The following FAM20A variants were observed in gnomAD, a reference collection of about 807,000 sequenced individuals.
The protein encoded by FAM20A is FAM20A golgi associated secretory pathway pseudokinase.
In FAM20A, 42 loss-of-function variants were observed where a neutral mutation model predicts 52.0. The ratio of observed to expected loss-of-function variants is 0.81; its 90% CI spans 0.63 to 1.04. FAM20A has a LOEUF of 1.04. Among genes scored for constraint, FAM20A ranks in the 50% least tolerant of loss-of-function variants. FAM20A has a pLI of 0.00. For synonymous variants in FAM20A, 304 were observed against 298.9 expected (o/e 1.02, Z -0.18); for missense variants, 742 against 712.7 (o/e 1.04, Z -0.47).
chr17:68,598,973 C>T (rs2088534814), intron 1 of FAM20A, among the ~76,000 whole-genome samples: 1 of 152,096 alleles, frequency 6.6e-6, no homozygotes, highest in Non-Finnish European at 1.5e-5. Context: ...CTCAAACTGC[C>T]TTTTATTACT....
chr17:68,559,380 G>C (rs894335986), intron 1 of FAM20A, among the ~76,000 whole-genome samples: 3 of 152,154 alleles, frequency 2.0e-5, no homozygotes, highest in African/African-American at 2.4e-5. Flanking sequence ...TGGACAGTGA[G>C]GCCATTGCCT....
chr17:68,578,270 G>C (rs756820174), intron 1 of FAM20A, among the ~76,000 whole-genome samples: 11 of 152,326 alleles, frequency 7.2e-5, no homozygotes, highest in Middle Eastern at 3.4e-3. Flanking sequence ...ATTTGAAAGA[G>C]AGATGGATTT....
chr17:68,577,530 T>C (rs981092738), intron 1 of FAM20A, among the ~76,000 whole-genome samples: 1 of 152,220 alleles, frequency 6.6e-6, no homozygotes, highest in Non-Finnish European at 1.5e-5. Context: ...AGGGCTGTTG[T>C]AAACATTCTC....
chr17:68,578,012 C>T (rs539988821), intron 1 of FAM20A, among the ~76,000 whole-genome samples: 56 of 152,082 alleles, frequency 3.7e-4, no homozygotes, highest in Non-Finnish European at 7.2e-4. Flanking sequence ...ACACCACACA[C>T]ACACACACAC....
chr17:68,537,353 C>T lies in FAM20A; in HGVS notation c.*124G>A. 2 of 1,253,754 alleles carry T rather than the reference C, an allele frequency of 1.6e-6. No individual in the cohort carries two copies. The highest frequency in any genetic ancestry group is 4.7e-5 in the East Asian group (2 of 42,180). 77.7% of individuals were successfully genotyped at this position (1,253,754 alleles called of 1,614,324 possible). On this transcript the variant is annotated 3_prime_UTR_variant, in exon 11 of 11. Transcript: ENST00000592554. This position sits in a 1 kb window ranked among gnomAD's most constrained non-coding sequence, Gnocchi z 4.2. Reference sequence around the variant, plus strand: ...CCCCACTTGCTGTTTGAGAAAATGTCCTGCTTCCTTCCTAGCTGACTTGAC... The same window carrying T: ...CCCCACTTGCTGTTTGAGAAAATGTTCTGCTTCCTTCCTAGCTGACTTGAC...
chr17:68,587,415 A>G (rs933666271), intron 1 of FAM20A, among the ~76,000 whole-genome samples: 1 of 152,256 alleles, frequency 6.6e-6, no homozygotes, highest in African/African-American at 2.4e-5. Context: ...GATTATCATT[A>G]TAATACCTAT....
intron 10 of FAM20A, among the ~76,000 whole-genome samples, chr17:68,539,085 G>C (rs2143453552): frequency 6.6e-6 from 1 of 152,260 alleles, no homozygotes; most frequent in East Asian, 1.9e-4. Context: ...ACATAGAAAA[G>C]ATAGTAAAAC....
At chr17:68,587,511 G>A (rs2088194608) in intron 1 of FAM20A, among the ~76,000 whole-genome samples, 1 of 152,152 alleles carries the variant, frequency 6.6e-6, no homozygotes. Context: ...AGAGTGGAGA[G>A]CTCTCCAAGA....
At chr17:68,547,252 T>G (rs1361929540) in intron 4 of FAM20A, among the ~76,000 whole-genome samples, 1 of 152,210 alleles carries the variant, frequency 6.6e-6, no homozygotes, top group African/African-American at 2.4e-5. Flanking sequence ...AGCCTGTCCT[T>G]TGAATCTTTA....
chr17:68,543,853 C>G (rs147089593), intron 4 of FAM20A, 132 bp from the exon 5 acceptor site: 2 of 792,948 alleles, frequency 2.5e-6, no homozygotes, highest in South Asian at 2.8e-5. Context: ...GGCGATGGCA[C>G]GGCAAGTCAG....
At chr17:68,573,591 CCTTT>C (rs1324343246) in intron 1 of FAM20A, among the ~76,000 whole-genome samples, 1 of 148,426 alleles carries the variant, frequency 6.7e-6, no homozygotes, top group Non-Finnish European at 1.5e-5. Flanking sequence ...TCCTTTCTTT[CCTTT>C]CTTTCTCTCT....
intron 4 of FAM20A, among the ~76,000 whole-genome samples, chr17:68,546,526 G>A (rs964770392): frequency 6.6e-6 from 1 of 152,018 alleles, no homozygotes; most frequent in African/African-American, 2.4e-5. Flanking sequence ...CTTATGAAAT[G>A]TATTTCTTAA....
At chr17:68,581,245 C>A (rs1199775258) in intron 1 of FAM20A, among the ~76,000 whole-genome samples, 1 of 152,264 alleles carries the variant, frequency 6.6e-6, no homozygotes, top group East Asian at 1.9e-4. Flanking sequence ...GGACACAAAT[C>A]TCTTCTCAAA....
chr17:68,545,985 C>A (rs113570941), intron 4 of FAM20A, among the ~76,000 whole-genome samples: 14 of 151,958 alleles, frequency 9.2e-5, no homozygotes, highest in Non-Finnish European at 1.5e-4. Context: ...CTGGCTAACA[C>A]GGTGAAACCC....
intron 1 of FAM20A, among the ~76,000 whole-genome samples, chr17:68,589,438 C>T (rs945536201): frequency 1.3e-5 from 2 of 152,192 alleles, no homozygotes; most frequent in Non-Finnish European, 2.9e-5. Flanking sequence ...ACAGCAAAAG[C>T]TAACAGTACA....
intron 4 of FAM20A, chr17:68,550,982 GA>G: frequency 9.6e-7 from 1 of 1,046,106 alleles, no homozygotes; most frequent in Non-Finnish European, 1.2e-6. Flanking sequence ...TGAAGGTTTG[GA>G]ATCTGCCAGT....
intron 1 of FAM20A, among the ~76,000 whole-genome samples, chr17:68,566,110 G>A (rs1202024768): frequency 6.6e-6 from 1 of 152,118 alleles, no homozygotes; most frequent in Non-Finnish European, 1.5e-5. Flanking sequence ...AAACTCCCAT[G>A]GAACTTCCTC....
chr17:68,598,829 C>G (rs1331970131), intron 1 of FAM20A, among the ~76,000 whole-genome samples: 1 of 152,172 alleles, frequency 6.6e-6, no homozygotes, highest in African/African-American at 2.4e-5. Flanking sequence ...TGTCCAAAGT[C>G]TCTCATTCTC....
intron 1 of FAM20A, among the ~76,000 whole-genome samples, chr17:68,564,619 T>TGGTG (rs1016206320): frequency 7.2e-5 from 11 of 152,252 alleles, no homozygotes; most frequent in Admixed American, 6.5e-4. Context: ...TGTGGTCTCT[T>TGGTG]GGTGTGCAGA....
Sources: allele counts gnomAD v4.1 joint callset (sites outside exome capture counted in the v4.1 genomes callset), GRCh38; gene constraint gnomAD v4.1.1; non-coding constraint Gnocchi (gnomAD v3.1); transcripts MANE v1.5; gene names NCBI Gene and HGNC (gene_info 2026-07-23, HGNC 2026-07-21).